The following ZNF518A variants were observed in gnomAD, a reference collection of about 807,000 sequenced individuals.
ZNF518A encodes zinc finger protein 518.
Under a neutral mutation model 102.7 loss-of-function variants are expected in ZNF518A, and 47 were observed. That is an observed-to-expected ratio of 0.46 (90% CI 0.36 to 0.58). The LOEUF is 0.58. Ranked by LOEUF, ZNF518A falls within the 20% of genes least tolerant of loss-of-function variation. The pLI is 0.00. For missense variants in ZNF518A, 1,793 were observed against 1,699.8 expected, an observed-to-expected ratio of 1.05 and a Z score of -0.96; for synonymous variants, 652 against 594.6, an observed-to-expected ratio of 1.10 and a Z score of -1.40.
At chr10:96,141,435 A>T (rs2081921153) in intron 3 of ZNF518A, among the ~76,000 whole-genome samples, 1 of 152,216 alleles carries the variant, frequency 6.6e-6, no homozygotes, top group Non-Finnish European at 1.5e-5. Flanking sequence ...GGTGACCGAA[A>T]ACTATATGAA....
chr10:96,191,744 T>C (rs1251084816), intron 1 of ZNF518A: 1 of 469,726 alleles, frequency 2.1e-6, no homozygotes, highest in African/African-American at 2.0e-5. Context: ...ATTAGTAGCA[T>C]GATAACTCAA....
chr10:96,203,422 A>C (rs2083704131), intron 1 of ZNF518A, among the ~76,000 whole-genome samples: 1 of 152,160 alleles, frequency 6.6e-6, no homozygotes, highest in Admixed American at 6.5e-5. Context: ...ATTTAAATGG[A>C]TTTAAGCTTT....
At chr10:96,188,866 A>G (rs1420849071) in intron 1 of ZNF518A, among the ~76,000 whole-genome samples, 2 of 152,226 alleles carry the variant, frequency 1.3e-5, no homozygotes, top group Non-Finnish European at 2.9e-5. Context: ...CTCAAAGTCC[A>G]AAATCAAGGT....
At chr10:96,190,841 T>A (rs1015679393) in intron 1 of ZNF518A, among the ~76,000 whole-genome samples, 2 of 152,260 alleles carry the variant, frequency 1.3e-5, no homozygotes, top group Non-Finnish European at 2.9e-5. Flanking sequence ...CTTTTATTCC[T>A]TGGTGTTCAC....
At chr10:96,197,100 G>T (rs1813141956) in intron 1 of ZNF518A, 1 of 1,537,528 alleles carries the variant, frequency 6.5e-7, no homozygotes, top group African/African-American at 1.4e-5. Context: ...ATTATGGTTA[G>T]TATTACTTAT....
At chr10:96,138,887 A>G (rs1837351864) in intron 3 of ZNF518A, among the ~76,000 whole-genome samples, 2 of 152,092 alleles carry the variant, frequency 1.3e-5, no homozygotes, top group South Asian at 4.1e-4. Flanking sequence ...AAATATTGCC[A>G]GAGATATTAA....
Position 96,158,014 on chromosome 10 carries a change from G to C in ZNF518A, c.1692G>C (p.Val564=). The part of the protein sequence containing the change: ...SATSELVTAS[V]NLTTKFETRD... ...CATCAGAATTGGTTACAGCATCAGT[G>C]AATTTGACCACAAAATTTGAAACAA... is the stretch of plus-strand genomic sequence containing the variant. The change falls in exon 6 of 6, where the codon GTG becomes GTC. Residue 564 remains valine, a synonymous_variant. Transcript: ENST00000316045. 6 of 1,613,762 alleles carry C rather than the reference G, an allele frequency of 3.7e-6. No individual in the cohort carries two copies. The highest frequency in any genetic ancestry group is 5.1e-6 in the Non-Finnish European group (6 of 1,179,776).
At chr10:96,197,913 C>CA (rs587730449) in intron 1 of ZNF518A, among the ~76,000 whole-genome samples, 24,846 of 128,162 alleles carry the variant, frequency 0.19, 2,459 homozygotes, top group African/African-American at 0.29. Flanking sequence ...GAGACAACAT[C>CA]AAAAAAAAAA....
At chr10:96,201,455 A>C (rs1554896124) in intron 1 of ZNF518A, among the ~76,000 whole-genome samples, 1 of 152,240 alleles carries the variant, frequency 6.6e-6, no homozygotes, top group African/African-American at 2.4e-5. Context: ...TGGAAAATAT[A>C]GTTATTTTTC....
At chr10:96,177,960 C>T (rs782441195) in intron 1 of ZNF518A, among the ~76,000 whole-genome samples, 5 of 152,126 alleles carry the variant, frequency 3.3e-5, no homozygotes, top group African/African-American at 9.6e-5. Context: ...AGTACCAAAG[C>T]TTCTAAATAC....
intron 1 of ZNF518A, among the ~76,000 whole-genome samples, chr10:96,177,518 T>C (rs1554891614): frequency 6.6e-6 from 1 of 152,202 alleles, no homozygotes; most frequent in East Asian, 1.9e-4. Flanking sequence ...ATTATAGGAT[T>C]TATTACATGT....
chr10:96,158,626 C>T lies in ZNF518A; in HGVS notation c.2304C>T (p.Phe768=). The part of the protein sequence containing the change: ...SPMMPRITSV[F]SLQSQQASEF... ...TGATGCCTAGAATCACATCTGTTTT[C>T]TCTCTCCAGAGCCAACAGGCATCAG... The change falls in exon 6 of 6, where the codon TTC becomes TTT. Residue 768 remains phenylalanine (F), a synonymous_variant. Transcript: ENST00000316045. The T allele has an allele frequency of 6.2e-7, 1 of 1,613,366 alleles. No homozygotes were observed. The highest frequency in any genetic ancestry group is 8.5e-7 in the Non-Finnish European group (1 of 1,179,632).
At chr10:96,151,393 C>T (rs1554880370) in intron 3 of ZNF518A, 1 of 152,208 alleles carries the variant, frequency 6.6e-6, no homozygotes, top group South Asian at 2.1e-4. Flanking sequence ...GAAATAATGT[C>T]CTCTTTGCAT....
chr10:96,174,645 G>A (rs587616393), intron 1 of ZNF518A, among the ~76,000 whole-genome samples: 2 of 152,030 alleles, frequency 1.3e-5, no homozygotes, highest in East Asian at 1.9e-4. Flanking sequence ...AACCTATGAC[G>A]AGTAAGGTAT....
At chr10:96,197,179 G>T in intron 1 of ZNF518A, 3 of 762,088 alleles carry the variant, frequency 3.9e-6, no homozygotes, top group South Asian at 2.0e-5. Flanking sequence ...AAATTATTTA[G>T]CTACATTATT....
intron 1 of ZNF518A, among the ~76,000 whole-genome samples, chr10:96,171,138 T>TAGGTTACATGTAATGTTACCCTGTGGCCC: frequency 1.3e-5 from 2 of 152,186 alleles, no homozygotes; most frequent in Admixed American, 1.3e-4. Flanking sequence ...ACTTCCTCAA[T>TAGGTTACATGTAATGTTACCCTGTGGCCC]AGGTTACATG....
At chr10:96,145,431 C>T (rs897257196) in intron 3 of ZNF518A, among the ~76,000 whole-genome samples, 2 of 152,150 alleles carry the variant, frequency 1.3e-5, no homozygotes, top group African/African-American at 2.4e-5. Flanking sequence ...GTATTAATTC[C>T]CATTACTTTT....
intron 1 of ZNF518A, among the ~76,000 whole-genome samples, chr10:96,172,396 A>G (rs183128654): frequency 5.3e-5 from 8 of 152,210 alleles, no homozygotes; most frequent in African/African-American, 1.9e-4. Flanking sequence ...AGAAGTGAAA[A>G]GAACCATAAT....
At position 96,160,103 on chromosome 10, in the gene ZNF518A, C is replaced by G. The variant is rs1462704868; in HGVS notation, c.3781C>G (p.His1261Asp). 1 of 1,610,684 alleles carries G rather than the reference C, an allele frequency of 6.2e-7. No individual in the cohort carries two copies. The change falls in exon 6 of 6, where the codon CAT becomes GAT. Residue 1261 changes from histidine (H) to aspartate (D), a missense_variant. His to Asp is a moderately conservative substitution (Grantham distance 81, BLOSUM62 -1). Transcript: ENST00000316045. ...SKKIFSKTKTHGSKDSETAFV... is the reference protein window; with the variant it reads ...SKKIFSKTKTDGSKDSETAFV... ...AAAAATTTTTTCAAAAACAAAAACT[C>G]ATGGAAGTAAAGACTCTGAAACTGC... is the stretch of plus-strand genomic sequence containing the variant.
Sources: allele counts gnomAD v4.1 joint callset (sites outside exome capture counted in the v4.1 genomes callset), GRCh38; gene constraint gnomAD v4.1.1; transcripts MANE v1.5; gene names NCBI Gene and HGNC (gene_info 2026-07-23, HGNC 2026-07-21).